The following DPYSL5 variants were observed in gnomAD, a reference collection of about 807,000 sequenced individuals.
The protein encoded by DPYSL5 is dihydropyrimidinase-related protein 5.
Under a neutral mutation model 58.4 loss-of-function variants are expected in DPYSL5, and 9 were observed. The observed-to-expected ratio is 0.15, with a 90% CI of 0.09 to 0.27. The LOEUF is 0.27. DPYSL5 is among the 10% of genes least tolerant of loss of function. The pLI is 1.00. For synonymous variants in DPYSL5, 293 were observed against 301.9 expected, an observed-to-expected ratio of 0.97 and a Z score of 0.31; for missense variants, 499 against 770.6, an observed-to-expected ratio of 0.65 and a Z score of 4.17.
At chr2:26,895,271 C>T (rs1207545937) in intron 1 of DPYSL5, among the ~76,000 whole-genome samples, 1 of 152,110 alleles carries the variant, frequency 6.6e-6, no homozygotes, top group Non-Finnish European at 1.5e-5. Context: ...AAGATTTGTG[C>T]TGGGATTTTA....
chr2:26,900,434 A>C lies in DPYSL5; in HGVS notation c.261+1674A>C, dbSNP rs559731359. Among the ~76,000 whole-genome samples, 5 of 152,304 alleles carry C rather than the reference A, an allele frequency of 3.3e-5. No individual in the cohort carries two copies. In the East Asian group the frequency reaches 9.6e-4, roughly 29 times the overall value. On this transcript the variant is annotated intron_variant, in intron 2 of 12. Transcript: ENST00000288699. The stretch of plus-strand genomic sequence containing the variant: ...ATAAATTCATTCACTTTCATTGCTT[A>C]ATACTATTCCACTGTGTAATATACC...
chr2:26,888,908 A>G (rs111676570), intron 1 of DPYSL5, among the ~76,000 whole-genome samples: 413 of 152,252 alleles, frequency 2.7e-3, no homozygotes, highest in African/African-American at 9.6e-3. Flanking sequence ...GTCCAAGATC[A>G]AGTTGAAGCT....
At position 26,901,563 on chromosome 2, in the gene DPYSL5, C is replaced by T. The variant is rs933006979; in HGVS notation, c.261+2803C>T. 7.2e-5 allele frequency among the ~76,000 whole-genome samples: 11 copies of T among 152,238 alleles called. No individual in the cohort carries two copies. The South Asian group carries it at 1.5e-3, about 20-fold the overall frequency. Reference sequence around the variant, plus strand: ...GCCTGTGGCACCCATGCAGAGGCCGCGCACCCTGATGGACCGCCGCTGACC... The same window carrying T: ...GCCTGTGGCACCCATGCAGAGGCCGTGCACCCTGATGGACCGCCGCTGACC... On this transcript the variant is annotated intron_variant, in intron 2 of 12. Transcript: ENST00000288699.
At chr2:26,910,982 T>C (rs984603648) in intron 2 of DPYSL5, among the ~76,000 whole-genome samples, 6 of 152,092 alleles carry the variant, frequency 3.9e-5, no homozygotes, top group African/African-American at 1.4e-4. Context: ...TTTTCCCCTA[T>C]GTTTTCTTTT....
At chr2:26,929,287 C>T (rs957332281) in intron 5 of DPYSL5, among the ~76,000 whole-genome samples, 2 of 152,116 alleles carry the variant, frequency 1.3e-5, no homozygotes, top group African/African-American at 4.8e-5. Context: ...GGCTGTAGTG[C>T]AATGGCGCAA....
At chr2:26,850,164 C>T (rs1178609930) in intron 1 of DPYSL5, among the ~76,000 whole-genome samples, 2 of 152,204 alleles carry the variant, frequency 1.3e-5, no homozygotes, top group African/African-American at 4.8e-5. Flanking sequence ...GGGTGAGGCT[C>T]TAGGTTTGGG....
rs1406415158 is a variant in DPYSL5 at position 26,933,278 on chromosome 2, G to A, written c.735G>A (p.Leu245=). The part of the protein sequence containing the change: ...IANRTHCPIY[L]VNVSSISAGD... ...TTTAGACTCACTGTCCAATCTACCT[G>A]GTCAACGTGTCCAGTATCTCGGCTG... is the stretch of plus-strand genomic sequence containing the variant. Residue 245 remains leucine, a synonymous_variant, in exon 7 of 13, where the codon CTG becomes CTA. Transcript: ENST00000288699. The surrounding 1 kb of genome is among the most constrained non-coding windows in gnomAD (Gnocchi z 4.2). 4.3e-6 allele frequency: 7 copies of A among 1,614,028 alleles called. No homozygotes were observed. The highest frequency in any genetic ancestry group is 1.7e-5 in the Admixed American group (1 of 60,008).
chr2:26,853,260 T>C (rs1363288917), intron 1 of DPYSL5, among the ~76,000 whole-genome samples: 1 of 152,214 alleles, frequency 6.6e-6, no homozygotes, highest in East Asian at 1.9e-4. Context: ...CAAGGCTATG[T>C]AATTCTTGGT....
At chr2:26,922,696 T>A (rs1664733306) in intron 2 of DPYSL5, among the ~76,000 whole-genome samples, 1 of 152,246 alleles carries the variant, frequency 6.6e-6, no homozygotes, top group Non-Finnish European at 1.5e-5. Flanking sequence ...CACCCCCACG[T>A]GCACATGTAA....
chr2:26,905,898 C>T lies in DPYSL5; in HGVS notation c.261+7138C>T, dbSNP rs1664275449. Among the ~76,000 whole-genome samples, 1 of 152,194 alleles carries T rather than the reference C, an allele frequency of 6.6e-6. No individual in the cohort carries two copies. Among genetic ancestry groups the T allele is most frequent in the African/African-American group, 2.4e-5 (1 of 41,436 alleles). ...TGACTAGGTCTTCGGCTCAGAGCCT[C>T]GCAAGCCGCCATCCAGGTGTCAATG... On this transcript the variant is annotated intron_variant, in intron 2 of 12. Coordinates refer to ENST00000288699, the MANE Select transcript of DPYSL5 (RefSeq NM_020134.4). This position sits in a 1 kb window ranked among gnomAD's most constrained non-coding sequence, Gnocchi z 4.0.
At chr2:26,937,318 CT>C (rs1192351722) in intron 8 of DPYSL5, among the ~76,000 whole-genome samples, 2 of 151,946 alleles carry the variant, frequency 1.3e-5, no homozygotes, top group Admixed American at 1.3e-4. Flanking sequence ...GTCTGAATCC[CT>C]TTTTAATCCC....
At chr2:26,880,668 C>G (rs946703990) in intron 1 of DPYSL5, among the ~76,000 whole-genome samples, 1 of 152,196 alleles carries the variant, frequency 6.6e-6, no homozygotes, top group East Asian at 1.9e-4. Context: ...TGCTTTGCTC[C>G]TCTCCCCCAG....
intron 1 of DPYSL5, among the ~76,000 whole-genome samples, chr2:26,878,529 G>A (rs1322646986): frequency 1.3e-5 from 2 of 151,882 alleles, no homozygotes; most frequent in African/African-American, 4.8e-5. Context: ...TATGGTTTCC[G>A]GCTTTGGATT....
Position 26,934,970 on chromosome 2 carries a change from G to T in DPYSL5, c.947+236G>T, listed in dbSNP as rs1665135535. Among the ~76,000 whole-genome samples, 1 of 151,776 alleles carries T rather than the reference G, an allele frequency of 6.6e-6. No homozygotes were observed. The highest frequency in any genetic ancestry group is 2.1e-4 in the South Asian group (1 of 4,826). Reference sequence around the variant, plus strand: ...GAGTGAAGAGCACATATAGAACTGTGAACCGTGGTTATTCGGAATTTCAAA... The same window carrying T: ...GAGTGAAGAGCACATATAGAACTGTTAACCGTGGTTATTCGGAATTTCAAA... On this transcript the variant is annotated intron_variant, in intron 8 of 12. Transcript: ENST00000288699. The surrounding 1 kb of genome is among the most constrained non-coding windows in gnomAD (Gnocchi z 4.3).
chr2:26,935,294 G>A (rs1197593649), intron 8 of DPYSL5, among the ~76,000 whole-genome samples: 1 of 152,102 alleles, frequency 6.6e-6, no homozygotes, highest in Non-Finnish European at 1.5e-5. Context: ...CCAATCTAAA[G>A]GAAATGGTTT....
rs568168614 is a variant in DPYSL5, at chr2:26,942,248, A to G, written c.1232+156A>G. Among the ~76,000 whole-genome samples the G allele has an allele frequency of 1.3e-5, 2 of 152,260 alleles. No homozygotes were observed. The highest frequency in any genetic ancestry group is 4.1e-4 in the South Asian group (2 of 4,820). ...CCATCTTCTCCCTCCATCTTCACACAGTCTTTCTTCCGTGTCACACATGTC... is the reference window on the plus strand; with the variant it reads ...CCATCTTCTCCCTCCATCTTCACACGGTCTTTCTTCCGTGTCACACATGTC... On this transcript the variant is annotated intron_variant, in intron 10 of 12. Transcript: ENST00000288699. This position sits in a 1 kb window ranked among gnomAD's most constrained non-coding sequence, Gnocchi z 5.9.
At chr2:26,894,340 C>T (rs1663960908) in intron 1 of DPYSL5, among the ~76,000 whole-genome samples, 1 of 152,284 alleles carries the variant, frequency 6.6e-6, no homozygotes, top group South Asian at 2.1e-4. Context: ...TCTCAGCCCC[C>T]AGCTTTGCAG....
chr2:26,900,190 C>T (rs546666196), intron 2 of DPYSL5, among the ~76,000 whole-genome samples: 2 of 152,230 alleles, frequency 1.3e-5, no homozygotes, highest in East Asian at 3.9e-4. Flanking sequence ...AGAAGCTCCT[C>T]CAGTCACAGG....
intron 5 of DPYSL5, among the ~76,000 whole-genome samples, chr2:26,929,695 G>A (rs1304401407): frequency 6.6e-6 from 1 of 152,218 alleles, no homozygotes; most frequent in Non-Finnish European, 1.5e-5. Context: ...AAAAACAGGA[G>A]ACACATACAA....
Sources: gnomAD v4.1 joint callset for allele counts (sites outside exome capture counted in the v4.1 genomes callset) on GRCh38, gnomAD v4.1.1 for gene constraint, Gnocchi (gnomAD v3.1) non-coding constraint, MANE v1.5 for transcripts, NCBI Gene and HGNC (gene_info 2026-07-23, HGNC 2026-07-21) for gene names.